The following PCSK5 variants were observed in gnomAD, a reference collection of about 807,000 sequenced individuals.
The protein encoded by PCSK5 is proprotein convertase subtilisin/kexin type 5.
In PCSK5, 129 loss-of-function variants were observed where a neutral mutation model predicts 233.2. That is an observed-to-expected ratio of 0.55 (90% confidence interval 0.48 to 0.64). The LOEUF (loss-of-function observed/expected upper bound fraction) is 0.64, where lower values mean the gene tolerates loss of function less well. Among genes scored for constraint, PCSK5 ranks in the 30% least tolerant of loss-of-function variants. The pLI is 0.00. For missense variants in PCSK5, 2,076 were observed against 2,430.1 expected, an observed-to-expected ratio of 0.85 and a Z score of 3.06; for synonymous variants, 825 against 879.2, an observed-to-expected ratio of 0.94 and a Z score of 1.09.
chr9:75,964,496 C>A (rs1825490521), intron 2 of PCSK5, among the ~76,000 whole-genome samples: 1 of 152,108 alleles, frequency 6.6e-6, no homozygotes, highest in African/African-American at 2.4e-5. Flanking sequence ...GTGTTTAGGA[C>A]ACAGTTGAAA....
At chr9:75,938,223 C>T (rs4744778) in intron 2 of PCSK5, among the ~76,000 whole-genome samples, 70,641 of 151,914 alleles carry the variant, frequency 0.47, 16,692 homozygotes, top group Non-Finnish European at 0.49. Context: ...CATTTGAACA[C>T]TTAGAGGCCA....
At chr9:75,972,895 G>T (rs540329495) in intron 2 of PCSK5, among the ~76,000 whole-genome samples, 94 of 152,264 alleles carry the variant, frequency 6.2e-4, no homozygotes, top group African/African-American at 2.2e-3. Context: ...TAACCCAAAG[G>T]GAGAGAGAAA....
intron 5 of PCSK5, among the ~76,000 whole-genome samples, chr9:76,048,536 C>T (rs547240131): frequency 5.3e-5 from 8 of 152,272 alleles, no homozygotes; most frequent in African/African-American, 1.9e-4. Context: ...TTTGCATTTT[C>T]CTGTTAAGCT....
rs201740801 is a variant in PCSK5 at position 76,152,108 on chromosome 9, C to G, written c.1313-4937C>G. 2.0e-5 allele frequency among the ~76,000 whole-genome samples: 3 copies of G among 152,268 alleles called. No individual in the cohort carries two copies. In the East Asian group the frequency reaches 5.8e-4, roughly 29 times the overall value. ...AAATAGAAATGTAGGTGCAGGATGC[C>G]TGACTGCCCTCTAGGAACTAGATTA... is the stretch of plus-strand genomic sequence containing the variant. On this transcript the variant is annotated intron_variant, in intron 10 of 37. Coordinates refer to ENST00000674117, the MANE Select transcript of PCSK5 (RefSeq NM_001372043.1).
At chr9:76,056,987 C>T (rs933766687) in intron 5 of PCSK5, among the ~76,000 whole-genome samples, 2 of 151,990 alleles carry the variant, frequency 1.3e-5, no homozygotes, top group Non-Finnish European at 2.9e-5. Context: ...ACTAATATTC[C>T]AATGAGTATT....
Position 76,175,047 on chromosome 9 carries a change from C to A in PCSK5, c.1818C>A (p.Thr606=). The change falls in exon 14 of 38, where the codon ACC becomes ACA. Residue 606 remains threonine, a synonymous_variant. Coordinates refer to ENST00000674117, the MANE Select transcript of PCSK5 (RefSeq NM_001372043.1). Reference sequence around the variant, plus strand: ...CCTCCGTGCAGCCATATTCACCAACCAATGAATTTCCGAAAGTGGAACGGT... The same window carrying A: ...CCTCCGTGCAGCCATATTCACCAACAAATGAATTTCCGAAAGTGGAACGGT... ...YGTSVQPYSP[T]NEFPKVERFR... 6.2e-7 allele frequency: 1 copy of A among 1,613,952 alleles called. No individual in the cohort carries two copies. Among genetic ancestry groups the A allele is most frequent in the African/African-American group, 1.3e-5 (1 of 75,046 alleles).
chr9:76,171,362 A>C (rs1043328028), intron 13 of PCSK5, among the ~76,000 whole-genome samples: 1 of 152,136 alleles, frequency 6.6e-6, no homozygotes, highest in Non-Finnish European at 1.5e-5. Context: ...AGGACAAGAG[A>C]CCCCGGAGAA....
chr9:75,949,783 C>A (rs1824760146), intron 2 of PCSK5, among the ~76,000 whole-genome samples: 1 of 152,118 alleles, frequency 6.6e-6, no homozygotes, highest in Admixed American at 6.5e-5. Context: ...CTCAGCCTCC[C>A]AAAATGTTGG....
chr9:76,280,485 T>TA (rs1382653775), intron 24 of PCSK5, among the ~76,000 whole-genome samples: 4 of 152,128 alleles, frequency 2.6e-5, no homozygotes, highest in Non-Finnish European at 5.9e-5. Flanking sequence ...CTCACACCTA[T>TA]AATCCCAGCA....
intron 30 of PCSK5, among the ~76,000 whole-genome samples, chr9:76,317,911 C>T (rs933642133): frequency 1.2e-4 from 18 of 152,134 alleles, no homozygotes; most frequent in African/African-American, 4.3e-4. Context: ...ATCTGCTTCC[C>T]CACACACATG....
chr9:76,030,321 G>A (rs1233246882), intron 5 of PCSK5, among the ~76,000 whole-genome samples: 1 of 151,994 alleles, frequency 6.6e-6, no homozygotes, highest in Non-Finnish European at 1.5e-5. Flanking sequence ...TCAGAAACTT[G>A]CATTCAAGAG....
In PCSK5 at chr9:75,991,954, G is replaced by A. The variant is rs182233355; in HGVS notation, c.411+5709G>A. Among the ~76,000 whole-genome samples the A allele has an allele frequency of 5.3e-3, 808 of 152,198 alleles. 6 individuals are homozygous for A. The highest frequency in any genetic ancestry group is 0.019 in the African/African-American group (772 of 41,538). On this transcript the variant is annotated intron_variant, in intron 3 of 37. Coordinates refer to ENST00000674117, the MANE Select transcript of PCSK5 (RefSeq NM_001372043.1). ...GTAAAATAAAAAAAAAAATTAGTTA[G>A]GCTTGGTGGCATATACCTGTAGTTC...
At chr9:75,926,466 G>A (rs1823493656) in intron 1 of PCSK5, among the ~76,000 whole-genome samples, 1 of 152,176 alleles carries the variant, frequency 6.6e-6, no homozygotes, top group Non-Finnish European at 1.5e-5. Flanking sequence ...AGGGTGCTGG[G>A]AAAAGATGTA....
chr9:76,291,013 A>G (rs1025670326), intron 24 of PCSK5, among the ~76,000 whole-genome samples: 1 of 152,360 alleles, frequency 6.6e-6, no homozygotes, highest in African/African-American at 2.4e-5. Context: ...TGAAACTTCA[A>G]ACAGGAAGCT....
intron 1 of PCSK5, among the ~76,000 whole-genome samples, chr9:75,907,801 A>G (rs1826320959): frequency 6.6e-6 from 1 of 152,202 alleles, no homozygotes; most frequent in African/African-American, 2.4e-5. Context: ...GTAAGAAACA[A>G]TTTCCAATCA....
intron 3 of PCSK5, among the ~76,000 whole-genome samples, chr9:75,999,319 A>G (rs1311065670): frequency 6.6e-6 from 1 of 152,036 alleles, no homozygotes; most frequent in African/African-American, 2.4e-5. Context: ...CAGCGGGGCT[A>G]GAGGAATTAA....
At chr9:75,986,102 T>A (rs772499269) in intron 2 of PCSK5, 30 bp from the exon 3 acceptor site, 7 of 1,272,004 alleles carry the variant, frequency 5.5e-6, no homozygotes, top group Non-Finnish European at 6.9e-6. Context: ...TGATGGAACG[T>A]GAATACTCAC....
intron 20 of PCSK5, among the ~76,000 whole-genome samples, chr9:76,204,416 TTTTC>T (rs1293847786): frequency 6.6e-6 from 1 of 151,894 alleles, no homozygotes; most frequent in Non-Finnish European, 1.5e-5. Flanking sequence ...TCAATTTCAT[TTTTC>T]TTTCTTTTTC....
At chr9:76,095,831 T>C (rs1587620701) in intron 7 of PCSK5, 59 bp from the exon 8 acceptor site, 1 of 1,504,494 alleles carries the variant, frequency 6.6e-7, no homozygotes, top group East Asian at 2.3e-5. Context: ...CAGTGGATTC[T>C]GACCTCTTCA....
Sources: gnomAD v4.1 joint callset for allele counts (sites outside exome capture counted in the v4.1 genomes callset) on GRCh38, gnomAD v4.1.1 for gene constraint, MANE v1.5 for transcripts, NCBI Gene and HGNC (gene_info 2026-07-23, HGNC 2026-07-21) for gene names.